PTPRG: variants seen among roughly 807,000 people sequenced by gnomAD.
The protein encoded by PTPRG is protein tyrosine phosphatase receptor type G, also known as receptor-type tyrosine-protein phosphatase gamma.
Under a neutral mutation model 165.3 loss-of-function variants are expected in PTPRG, and 102 were observed. The ratio of observed to expected loss-of-function variants is 0.62; its 90% confidence interval spans 0.53 to 0.73. The LOEUF is 0.73. Among genes scored for constraint, PTPRG ranks in the 30% least tolerant of loss-of-function variants. The pLI, the probability that PTPRG is intolerant of heterozygous loss-of-function variation, is 0.00. For synonymous variants in PTPRG, 675 were observed against 669.5 expected (o/e 1.01, Z -0.13); for missense variants, 1,866 against 1,861.4 (o/e 1.00, Z -0.05).
At chr3:61,582,517 G>A (rs913211686) in intron 1 of PTPRG, among the ~76,000 whole-genome samples, 3 of 152,192 alleles carry the variant, frequency 2.0e-5, no homozygotes, top group Non-Finnish European at 4.4e-5. Flanking sequence ...CAGCCAGGAC[G>A]TAGCCTGATA....
At chr3:61,571,911 T>C (rs1700065995) in intron 1 of PTPRG, among the ~76,000 whole-genome samples, 1 of 152,218 alleles carries the variant, frequency 6.6e-6, no homozygotes, top group Non-Finnish European at 1.5e-5. Context: ...CTGTGGGATC[T>C]TGGGCAAGAC....
intron 5 of PTPRG, among the ~76,000 whole-genome samples, chr3:62,126,124 A>G (rs975297320): frequency 3.0e-4 from 45 of 152,188 alleles, no homozygotes; most frequent in African/African-American, 9.9e-4. Flanking sequence ...AAAATCTGCC[A>G]TTTTGTACGG....
chr3:61,790,452 A>T (rs1467407640), intron 2 of PTPRG, among the ~76,000 whole-genome samples: 1 of 152,284 alleles, frequency 6.6e-6, no homozygotes, highest in Non-Finnish European at 1.5e-5. Flanking sequence ...CAAAACTCAG[A>T]CCATGTTCTA....
intron 1 of PTPRG, among the ~76,000 whole-genome samples, chr3:61,677,933 C>A (rs964356667): frequency 6.6e-6 from 1 of 152,098 alleles, no homozygotes; most frequent in African/African-American, 2.4e-5. Flanking sequence ...ACCCCTTCCT[C>A]ATGAATTAAA....
chr3:61,621,822 T>G (rs929130805), intron 1 of PTPRG, among the ~76,000 whole-genome samples: 5 of 152,228 alleles, frequency 3.3e-5, no homozygotes, highest in African/African-American at 1.2e-4. Context: ...TTCCTCTGAT[T>G]CTCTGTTTTC....
At chr3:61,840,786 T>TTG (rs1559642732) in intron 2 of PTPRG, among the ~76,000 whole-genome samples, 1 of 87,404 alleles carries the variant, frequency 1.1e-5, no homozygotes, top group Non-Finnish European at 2.2e-5. Flanking sequence ...TTGTTTGTTT[T>TTG]TTTTTTTTTT....
At chr3:62,288,629 CACCATTGCACTCCAGCCTGGGCG>C (rs1256028326) in intron 28 of PTPRG, among the ~76,000 whole-genome samples, 4 of 150,290 alleles carry the variant, frequency 2.7e-5, no homozygotes, top group East Asian at 3.9e-4. Flanking sequence ...ACCAAGATTG[CACCATTGCACTCCAGCCTGGGCG>C]ACAGGGTGAT....
At chr3:61,995,158 G>T (rs552981961) in intron 3 of PTPRG, among the ~76,000 whole-genome samples, 4 of 130,938 alleles carry the variant, frequency 3.1e-5, no homozygotes, top group Middle Eastern at 5.0e-3. Context: ...TCACCATCTT[G>T]GTTCACTGCA....
chr3:61,634,874 C>T (rs931384327), intron 1 of PTPRG, among the ~76,000 whole-genome samples: 2 of 152,204 alleles, frequency 1.3e-5, no homozygotes, highest in African/African-American at 4.8e-5. Flanking sequence ...GTAATACTGT[C>T]ACAACACTGT....
At chr3:61,835,202 G>T (rs1435206957) in intron 2 of PTPRG, among the ~76,000 whole-genome samples, 3 of 152,146 alleles carry the variant, frequency 2.0e-5, no homozygotes, top group African/African-American at 7.2e-5. Flanking sequence ...GGTCGTTACT[G>T]TGCCTCAATT....
chr3:61,953,180 A>G (rs2039939219), intron 2 of PTPRG, among the ~76,000 whole-genome samples: 1 of 152,092 alleles, frequency 6.6e-6, no homozygotes. Flanking sequence ...GTTGAATTCT[A>G]GCTCCTGTTT....
At chr3:61,915,521 C>T (rs1370659137) in intron 2 of PTPRG, among the ~76,000 whole-genome samples, 1 of 152,084 alleles carries the variant, frequency 6.6e-6, no homozygotes, top group Admixed American at 6.5e-5. Context: ...GTAATTAGAG[C>T]CGTGAAATAT....
At chr3:62,234,083 T>G (rs1700968416) in intron 14 of PTPRG, among the ~76,000 whole-genome samples, 1 of 152,210 alleles carries the variant, frequency 6.6e-6, no homozygotes, top group Non-Finnish European at 1.5e-5. Context: ...TATCTCCTTG[T>G]ACACAATGGA....
At chr3:62,207,994 C>T (rs1700270850) in intron 12 of PTPRG, among the ~76,000 whole-genome samples, 1 of 152,136 alleles carries the variant, frequency 6.6e-6, no homozygotes, top group African/African-American at 2.4e-5. Context: ...TGTGCAGAAC[C>T]CCCCAACTTT....
rs779142973 is a variant in PTPRG at position 62,281,597 on chromosome 3, A to C, written c.3800A>C (p.Glu1267Ala). The C allele has an allele frequency of 4.1e-6, 6 of 1,466,064 alleles. No homozygotes were observed. In the South Asian group the frequency reaches 6.8e-5, roughly 17 times the overall value. The allele number at this position is 1,466,064 out of a possible 1,614,324, so 90.8% of individuals were successfully genotyped here. The change falls in exon 27 of 30, where the codon GAA (glutamate) becomes GCA (alanine). Residue 1267 changes from glutamate (E) to alanine (A), a missense_variant. Physicochemically the swap from Glu to Ala is moderately radical, Grantham distance 107 (BLOSUM62 -1). This residue lies in a region of PTPRG where 1,452 missense variants were observed against 1,463.0 expected (regional missense o/e 0.99). Coordinates refer to ENST00000474889, the MANE Select transcript of PTPRG (RefSeq NM_002841.4). ...GAGTTTGTGTACTGGCCAAGTCGAGAAGAATCCATGAACTGTGAGGCCTTT... is the reference window on the plus strand; with the variant it reads ...GAGTTTGTGTACTGGCCAAGTCGAGCAGAATCCATGAACTGTGAGGCCTTT... ...EDEFVYWPSR[E>A]ESMNCEAFTV...
chr3:61,959,999 CT>C (rs2040115182), intron 2 of PTPRG, among the ~76,000 whole-genome samples: 1 of 152,158 alleles, frequency 6.6e-6, no homozygotes. Context: ...CTGGAATGCC[CT>C]TCCCCTCATC....
intron 15 of PTPRG, among the ~76,000 whole-genome samples, chr3:62,251,258 G>A (rs1249497109): frequency 1.3e-5 from 2 of 152,170 alleles, no homozygotes; most frequent in Non-Finnish European, 2.9e-5. Context: ...GGTGACGTGG[G>A]CCTGTAGTCC....
At chr3:62,187,180 A>G (rs767785373) in intron 8 of PTPRG, among the ~76,000 whole-genome samples, 9 of 152,262 alleles carry the variant, frequency 5.9e-5, no homozygotes, top group African/African-American at 1.4e-4. Context: ...CAGATCGTCA[A>G]TGAAGTCAAT....
In PTPRG at chr3:62,139,108, A is replaced by G. The variant is rs140550804; in HGVS notation, c.682+6440A>G. Among the ~76,000 whole-genome samples the G allele has an allele frequency of 9.7e-4, 147 of 152,250 alleles. 2 individuals are homozygous for G. In the East Asian group the frequency reaches 0.025, roughly 26 times the overall value. The stretch of plus-strand genomic sequence containing the variant: ...ACTTTCCTCTCCTGGAGAATGTACC[A>G]TCTTAGTGAGGTGTAATAGGTTTCT... On this transcript the variant is annotated intron_variant, in intron 6 of 29. Transcript: ENST00000474889.
Sources: allele counts gnomAD v4.1 joint callset (sites outside exome capture counted in the v4.1 genomes callset), GRCh38; gene constraint gnomAD v4.1.1; regional missense constraint gnomAD v4.1.1; transcripts MANE v1.5; gene names NCBI Gene and HGNC (gene_info 2026-07-23, HGNC 2026-07-21).